Variants in DPY19L2 observed in about 807,000 individuals in gnomAD.
DPY19L2 encodes dpy-19 like 2, also known as probable C-mannosyltransferase DPY19L2.
In DPY19L2, 34 loss-of-function variants were observed where a neutral mutation model predicts 97.9. That is an observed-to-expected ratio of 0.35 (90% CI 0.26 to 0.46). The LOEUF is 0.46. Ranked by LOEUF, DPY19L2 falls within the 20% of genes least tolerant of loss-of-function variation. The pLI is 1.00. For synonymous variants in DPY19L2, 230 were observed against 307.9 expected (o/e 0.75, Z 2.65); for missense variants, 623 against 911.4 (o/e 0.68, Z 4.07).
rs1565790680 is a variant in DPY19L2 at position 63,626,475 on chromosome 12, A to C, written c.855T>G (p.His285Gln). Residue 285 changes from histidine to glutamine, a missense_variant, in exon 7 of 22, where the codon CAT (histidine) becomes CAG (glutamine). By Grantham distance (24) the His-to-Gln change is conservative. Around this residue, in one of 6 missense-constraint regions of DPY19L2, gnomAD observed 67 missense variants for 88.0 expected, o/e 0.76. Coordinates refer to ENST00000324472, the MANE Select transcript of DPY19L2 (RefSeq NM_173812.5). ...TGCTTTCTAGAAAACAAACCTCTCC[A>C]TGGTTGAAAAAGAAGCACAGTACTG... ...LITVLCFFFN[H>Q]GEATRVMWTP... 6.3e-7 allele frequency: 1 copy of C among 1,577,502 alleles called. No individual in the cohort carries two copies. Among genetic ancestry groups the C allele is most frequent in the South Asian group, 1.2e-5 (1 of 84,188 alleles).
chr12:63,584,979 G>A (rs2137393828), intron 16 of DPY19L2, among the ~76,000 whole-genome samples: 1 of 152,240 alleles, frequency 6.6e-6, no homozygotes, highest in South Asian at 2.1e-4. Context: ...TAGTTAAGAT[G>A]GAAAAGGCAT....
chr12:63,576,192 T>A (rs1252182500), intron 19 of DPY19L2, among the ~76,000 whole-genome samples: 1 of 151,996 alleles, frequency 6.6e-6, no homozygotes, highest in East Asian at 1.9e-4. Context: ...AAAAATCATA[T>A]GATCATCTCA....
rs1274666891 is a variant in DPY19L2 at position 63,570,985 on chromosome 12, T to G, written c.1901-128A>C. On this transcript the variant is annotated intron_variant, in intron 19 of 21. Transcript: ENST00000324472. ...CTATTTACATGACCATGGACCTCATTCTTTTATTGACTCAATAGTTATTCA... is the reference window on the plus strand; with the variant it reads ...CTATTTACATGACCATGGACCTCATGCTTTTATTGACTCAATAGTTATTCA... 3 of 875,598 alleles carry G rather than the reference T, an allele frequency of 3.4e-6. No homozygotes were observed. In the African/African-American group the frequency reaches 5.2e-5, roughly 15 times the overall value. The allele number at this position is 875,598 out of a possible 1,614,324, so 54.2% of individuals were successfully genotyped here. A position where few individuals can be genotyped will look rare whatever the true frequency, so the allele number is the denominator to read the frequency against.
At chr12:63,627,075 C>T (rs973268060) in intron 6 of DPY19L2, among the ~76,000 whole-genome samples, 2 of 152,094 alleles carry the variant, frequency 1.3e-5, no homozygotes, top group East Asian at 1.9e-4. Flanking sequence ...CTGTGCCCAG[C>T]CACATAAAAT....
At chr12:63,614,063 G>A (rs7488409) in intron 11 of DPY19L2, among the ~76,000 whole-genome samples, 24,185 of 151,196 alleles carry the variant, frequency 0.16, 2,902 homozygotes, top group African/African-American at 0.35. Context: ...GGTGGCAGGC[G>A]CCTGTAATCC....
intron 8 of DPY19L2, among the ~76,000 whole-genome samples, chr12:63,622,942 T>G (rs1302001406): frequency 6.6e-6 from 1 of 152,040 alleles, no homozygotes; most frequent in East Asian, 1.9e-4. Flanking sequence ...TAAATAAAAA[T>G]TTGTGTATGT....
rs1893112256 is a variant in DPY19L2 at position 63,644,388 on chromosome 12, CAGT to C, written c.803+12_803+14del. ...AAGCCCACTGAAAGGTCTCTTAATTCAGTAGTAGTCTTACCTCAGGTATGCTCC... is the reference window on the plus strand; with the variant it reads ...AAGCCCACTGAAAGGTCTCTTAATTCAGTAGTCTTACCTCAGGTATGCTCC... On this transcript the variant is annotated intron_variant, in intron 6 of 21. Transcript: ENST00000324472. The C allele has an allele frequency of 1.9e-6, 3 of 1,596,012 alleles. No individual in the cohort carries two copies. The highest frequency in any genetic ancestry group is 2.6e-6 in the Non-Finnish European group (3 of 1,174,690).
Position 63,661,476 on chromosome 12 carries a change from A to G in DPY19L2, c.456T>C (p.Leu152=). The G allele has an allele frequency of 6.4e-7, 1 of 1,562,612 alleles. No homozygotes were observed. The highest frequency in any genetic ancestry group is 8.6e-7 in the Non-Finnish European group (1 of 1,162,764). The part of the protein sequence containing the change: ...REMTFRTEMG[L]YYSYFKTIIE... ...TAATGGTCTTGAAGTATGAATAATA[A>G]AGTCCCTTTTTTTAAAAAAAGACAT... The change falls in exon 4 of 22, where the codon CTT becomes CTC. Residue 152 remains leucine, a synonymous_variant. Transcript: ENST00000324472.
At chr12:63,589,357 CAAAAAA>C (rs71086687) in intron 16 of DPY19L2, among the ~76,000 whole-genome samples, 2 of 18,992 alleles carry the variant, frequency 1.1e-4, no homozygotes, top group Non-Finnish European at 2.1e-4. Flanking sequence ...AAATGTGTTG[CAAAAAA>C]AAAAAAAAAA....
chr12:63,609,241 G>C (rs1198104475), intron 11 of DPY19L2, among the ~76,000 whole-genome samples: 4 of 152,160 alleles, frequency 2.6e-5, no homozygotes, highest in African/African-American at 7.2e-5. Flanking sequence ...TATTGTAAGG[G>C]GAGGGCAGCA....
intron 3 of DPY19L2, among the ~76,000 whole-genome samples, 164 bp downstream of exon 3, chr12:63,663,592 CAG>C (rs547087300): frequency 3.5e-4 from 53 of 152,210 alleles, no homozygotes; most frequent in Admixed American, 1.4e-3. Context: ...AATGAAGTAA[CAG>C]AAAAATAATC....
intron 4 of DPY19L2, among the ~76,000 whole-genome samples, chr12:63,647,945 T>C (rs1205948122): frequency 1.3e-5 from 2 of 152,150 alleles, no homozygotes; most frequent in Admixed American, 6.5e-5. Flanking sequence ...GGCACTGCTA[T>C]AGTTTGAATG....
intron 16 of DPY19L2, among the ~76,000 whole-genome samples, chr12:63,588,690 T>C (rs985752959): frequency 4.6e-5 from 7 of 151,718 alleles, no homozygotes; most frequent in Non-Finnish European, 1.0e-4. Flanking sequence ...TCAACATCTA[T>C]CTTTAATTTA....
At chr12:63,653,338 T>A (rs774546131) in intron 4 of DPY19L2, among the ~76,000 whole-genome samples, 1 of 152,054 alleles carries the variant, frequency 6.6e-6, no homozygotes, top group African/African-American at 2.4e-5. Flanking sequence ...GGCAGGCAGA[T>A]TGCTTGAGCC....
At chr12:63,642,845 T>C (rs978012874) in intron 6 of DPY19L2, among the ~76,000 whole-genome samples, 2 of 152,070 alleles carry the variant, frequency 1.3e-5, no homozygotes, top group African/African-American at 2.4e-5. Flanking sequence ...TTTTGACTGG[T>C]AGAGCATTGA....
At chr12:63,563,502 G>A (rs1877041607) in intron 21 of DPY19L2, among the ~76,000 whole-genome samples, 2 of 152,134 alleles carry the variant, frequency 1.3e-5, no homozygotes, top group African/African-American at 4.8e-5. Context: ...GAATGTACGA[G>A]ACTATGATGC....
At position 63,594,495 on chromosome 12, in the gene DPY19L2, G is replaced by A. The variant is rs867011534; in HGVS notation, c.1534-362C>T. On this transcript the variant is annotated intron_variant, in intron 15 of 21. Coordinates refer to ENST00000324472, the MANE Select transcript of DPY19L2 (RefSeq NM_173812.5). ...TGTGTGTGTGTGTGTGTGTGTGTATGAAACTTGGCCGGCTACAGGGATTTG... is the reference window on the plus strand; with the variant it reads ...TGTGTGTGTGTGTGTGTGTGTGTATAAAACTTGGCCGGCTACAGGGATTTG... Among the ~76,000 whole-genome samples the A allele has an allele frequency of 1.1e-4, 16 of 144,772 alleles. No homozygotes were observed. In the South Asian group the frequency reaches 1.8e-3, roughly 16 times the overall value. 95.0% of individuals were successfully genotyped at this position (144,772 alleles called of 152,430 possible). A position where few individuals can be genotyped will look rare whatever the true frequency, so the allele number is the denominator to read the frequency against.
intron 4 of DPY19L2, among the ~76,000 whole-genome samples, chr12:63,652,471 A>G (rs1367796830): frequency 6.6e-6 from 1 of 152,196 alleles, no homozygotes; most frequent in African/African-American, 2.4e-5. Flanking sequence ...ACACATGCAC[A>G]TGTATGTTCA....
intron 12 of DPY19L2, among the ~76,000 whole-genome samples, chr12:63,602,367 T>C (rs1733564933): frequency 6.6e-6 from 1 of 151,886 alleles, no homozygotes; most frequent in African/African-American, 2.4e-5. Flanking sequence ...AGAATGAAAA[T>C]GATACCAGAG....
Sources: gnomAD v4.1 joint callset for allele counts (sites outside exome capture counted in the v4.1 genomes callset) on GRCh38, gnomAD v4.1.1 for gene constraint, gnomAD v4.1.1 regional missense constraint, MANE v1.5 for transcripts, NCBI Gene and HGNC (gene_info 2026-07-23, HGNC 2026-07-21) for gene names.